The following WWP2 variants were observed in gnomAD, a reference collection of about 807,000 sequenced individuals.
The protein encoded by WWP2 is WW domain containing E3 ubiquitin protein ligase 2, also known as NEDD4-like E3 ubiquitin-protein ligase WWP2.
WWP2 carries 57 observed loss-of-function variants against 121.0 expected under a neutral mutation model. The observed-to-expected ratio is 0.47, with a 90% CI of 0.38 to 0.59. The LOEUF is 0.59. WWP2 is among the 20% of genes least tolerant of loss of function. WWP2 has a pLI of 0.00. For synonymous variants in WWP2, 449 were observed against 441.3 expected, an observed-to-expected ratio of 1.02 and a Z score of -0.22; for missense variants, 962 against 1,158.9, an observed-to-expected ratio of 0.83 and a Z score of 2.47.
chr16:69,806,208 G>C (rs1173227276), intron 4 of WWP2, among the ~76,000 whole-genome samples: 1 of 152,008 alleles, frequency 6.6e-6, no homozygotes, highest in Admixed American at 6.6e-5. Context: ...CTCTAGAAAA[G>C]ATTTTTAAAA....
At position 69,937,905 on chromosome 16, in the gene WWP2, G is replaced by T. The variant is rs965958013; in HGVS notation, c.2343+253G>T. Among the ~76,000 whole-genome samples the T allele has an allele frequency of 1.3e-5, 2 of 152,208 alleles. No individual in the cohort carries two copies. Among genetic ancestry groups the T allele is most frequent in the Admixed American group, 1.3e-4 (2 of 15,292 alleles). ...CTGGTGTGCAGGGACAGACCTGCAG[G>T]CAGACAGCAGCTGCCACTGGTTGAG... is the stretch of plus-strand genomic sequence containing the variant. On this transcript the variant is annotated intron_variant, in intron 21 of 23. Coordinates refer to ENST00000359154, the MANE Select transcript of WWP2 (RefSeq NM_001270454.2). This position sits in a 1 kb window ranked among gnomAD's most constrained non-coding sequence, Gnocchi z 6.6.
chr16:69,931,775 G>C (rs759942056), intron 15 of WWP2, 27 bp from the exon 16 acceptor site: 2 of 1,612,624 alleles, frequency 1.2e-6, no homozygotes, highest in South Asian at 1.1e-5. Flanking sequence ...GAGAGTGGCA[G>C]GCTGGCCCGA....
intron 10 of WWP2, among the ~76,000 whole-genome samples, chr16:69,922,270 C>T (rs543770254): frequency 1.1e-4 from 17 of 152,176 alleles, no homozygotes; most frequent in African/African-American, 3.4e-4. Flanking sequence ...AAAATGCCTG[C>T]GTTCCACGCT....
rs190011229 is a variant in WWP2, at chr16:69,815,184, G to A, written c.340+15889G>A. Among the ~76,000 whole-genome samples, 9 of 152,064 alleles carry A rather than the reference G, an allele frequency of 5.9e-5. No homozygotes were observed. In the South Asian group the frequency reaches 1.9e-3, roughly 32 times the overall value. On this transcript the variant is annotated intron_variant, in intron 4 of 23. Transcript: ENST00000359154. ...TGCCTGGCTAATTTTTGTATTTTTAGTAGAGACAGGGTTTCACCATGTTGG... is the reference window on the plus strand; with the variant it reads ...TGCCTGGCTAATTTTTGTATTTTTAATAGAGACAGGGTTTCACCATGTTGG...
chr16:69,884,117 A>G (rs141284019), intron 7 of WWP2, among the ~76,000 whole-genome samples: 6 of 152,362 alleles, frequency 3.9e-5, no homozygotes, highest in Non-Finnish European at 8.8e-5. Flanking sequence ...CTTGGAATAT[A>G]CAAGCGTATG....
At chr16:69,933,223 C>A in intron 16 of WWP2, 1 of 449,368 alleles carries the variant, frequency 2.2e-6, no homozygotes, top group Non-Finnish European at 4.7e-6. Flanking sequence ...CACAAACAGC[C>A]CAGCAGCTGG....
chr16:69,872,505 G>T lies in WWP2; in HGVS notation c.703+574G>T, dbSNP rs192585398. ...TCTGGGATTACAGACGTGAGCCACT[G>T]CGCCTAGCCTTTCTATTCATTTCTT... On this transcript the variant is annotated intron_variant, in intron 7 of 23. Transcript: ENST00000359154. 2.9e-4 allele frequency among the ~76,000 whole-genome samples: 44 copies of T among 152,356 alleles called. 1 individual carries two copies. In the East Asian group the frequency reaches 8.1e-3, roughly 28 times the overall value.
chr16:69,827,479 G>A (rs1053697489), intron 4 of WWP2, among the ~76,000 whole-genome samples: 1 of 152,134 alleles, frequency 6.6e-6, no homozygotes, highest in African/African-American at 2.4e-5. Flanking sequence ...CTTAATTGGG[G>A]CATAATAGGT....
chr16:69,769,821 A>G (rs576909056), intron 1 of WWP2, among the ~76,000 whole-genome samples: 1 of 150,452 alleles, frequency 6.6e-6, no homozygotes, highest in East Asian at 2.0e-4. Flanking sequence ...TCTTCCTCCC[A>G]TTTCCTGGCC....
At chr16:69,899,842 GGCA>G (rs2058173886) in intron 8 of WWP2, among the ~76,000 whole-genome samples, 1 of 151,240 alleles carries the variant, frequency 6.6e-6, no homozygotes, top group Admixed American at 6.6e-5. Flanking sequence ...TACAATCGAT[GGCA>G]TTTTAGATTT....
chr16:69,940,061 C>A lies in WWP2; in HGVS notation c.*121C>A. On this transcript the variant is annotated 3_prime_UTR_variant, in exon 24 of 24. Transcript: ENST00000359154. ...GTGGATGTGGCCCTGTGTGGGACCA[C>A]ACTGTCATCTCGCTGCTGGCAGAAA... The A allele has an allele frequency of 1.3e-6, 1 of 754,488 alleles. No homozygotes were observed. Among genetic ancestry groups the A allele is most frequent in the South Asian group, 1.9e-5 (1 of 52,130 alleles). 46.7% of individuals were successfully genotyped at this position (754,488 alleles called of 1,614,324 possible).
chr16:69,863,396 T>G (rs1415061619), intron 6 of WWP2, among the ~76,000 whole-genome samples: 1 of 152,120 alleles, frequency 6.6e-6, no homozygotes, highest in Non-Finnish European at 1.5e-5. Context: ...TCCTTGCACT[T>G]TGAGAGGCCG....
intron 7 of WWP2, among the ~76,000 whole-genome samples, chr16:69,880,409 G>A (rs1378394952): frequency 6.6e-6 from 1 of 151,830 alleles, no homozygotes; most frequent in African/African-American, 2.4e-5. Flanking sequence ...AGCTAGTTTT[G>A]CCTTTTTTTC....
intron 1 of WWP2, among the ~76,000 whole-genome samples, chr16:69,782,735 T>C (rs2055690602): frequency 6.6e-6 from 1 of 152,244 alleles, no homozygotes; most frequent in South Asian, 2.1e-4. Context: ...CAAATTCTGT[T>C]CGAGTTTGCT....
chr16:69,879,669 CG>C (rs1567402527), intron 7 of WWP2, among the ~76,000 whole-genome samples: 1 of 152,098 alleles, frequency 6.6e-6, no homozygotes, highest in East Asian at 1.9e-4. Context: ...TGGAATAATG[CG>C]GGTGAGAACT....
chr16:69,856,333 A>C (rs538537779), intron 6 of WWP2, among the ~76,000 whole-genome samples: 1 of 152,264 alleles, frequency 6.6e-6, no homozygotes, highest in South Asian at 2.1e-4. Context: ...GGCACAAGGA[A>C]ATTTTGGGAG....
intron 4 of WWP2, among the ~76,000 whole-genome samples, chr16:69,831,158 C>T (rs1372896757): frequency 6.6e-6 from 1 of 152,180 alleles, no homozygotes; most frequent in African/African-American, 2.4e-5. Context: ...TCCTGGCGTC[C>T]TTGGCCTCCC....
At chr16:69,932,141 C>A (rs1171196528) in intron 16 of WWP2, among the ~76,000 whole-genome samples, 3 of 152,170 alleles carry the variant, frequency 2.0e-5, no homozygotes, top group Non-Finnish European at 4.4e-5. Context: ...ACCAGCCTGA[C>A]CAACATGGAG....
At chr16:69,913,026 T>C (rs1326877518) in intron 9 of WWP2, among the ~76,000 whole-genome samples, 4 of 19,506 alleles carry the variant, frequency 2.1e-4, no homozygotes, top group Non-Finnish European at 3.1e-4. Context: ...TTTTTTTTTT[T>C]TTTTTTTTTT....
Sources: allele counts gnomAD v4.1 joint callset (sites outside exome capture counted in the v4.1 genomes callset), GRCh38; gene constraint gnomAD v4.1.1; non-coding constraint Gnocchi (gnomAD v3.1); transcripts MANE v1.5; gene names NCBI Gene and HGNC (gene_info 2026-07-23, HGNC 2026-07-21).